Variants in USP4 observed in about 807,000 individuals in gnomAD.
USP4 encodes the protein ubiquitin carboxyl-terminal hydrolase 4.
Under a neutral mutation model 118.2 loss-of-function variants are expected in USP4, and 72 were observed. That is an observed-to-expected ratio of 0.61 (90% CI 0.50 to 0.74). The LOEUF (loss-of-function observed/expected upper bound fraction) is 0.74. USP4 is among the 30% of genes least tolerant of loss of function. The pLI is 0.00. For missense variants in USP4, 1,037 were observed against 1,185.7 expected (o/e 0.87, Z 1.84); for synonymous variants, 415 against 440.4 (o/e 0.94, Z 0.72).
chr3:49,294,088 C>A (rs565827178), intron 14 of USP4, among the ~76,000 whole-genome samples: 3 of 151,730 alleles, frequency 2.0e-5, no homozygotes, highest in Admixed American at 6.6e-5. Flanking sequence ...AAGAATCAAG[C>A]GATTCTCCTG....
intron 20 of USP4, among the ~76,000 whole-genome samples, chr3:49,280,200 T>C (rs2047003717): frequency 6.6e-6 from 1 of 150,436 alleles, no homozygotes; most frequent in Non-Finnish European, 1.5e-5. Context: ...GAGGTGGAGG[T>C]TGCAAGTGAG....
intron 2 of USP4, 102 bp from the exon 3 acceptor site, chr3:49,327,918 G>C: frequency 7.5e-6 from 9 of 1,207,386 alleles, no homozygotes; most frequent in Non-Finnish European, 1.0e-5. Flanking sequence ...ATTATTTACA[G>C]AAAGAAACAG....
chr3:49,278,240 T>A lies in USP4; in HGVS notation c.*53A>T. On this transcript the variant is annotated 3_prime_UTR_variant, in exon 22 of 22. Transcript: ENST00000265560. ...GCAGTCTGCAGAGTGTCAAAGATGT[T>A]CTCCTGGGGGATTACACTGGCGCTA... 4 of 1,582,978 alleles carry A rather than the reference T, an allele frequency of 2.5e-6. No homozygotes were observed. Among genetic ancestry groups the A allele is most frequent in the Non-Finnish European group, 3.4e-6 (4 of 1,166,322 alleles).
Position 49,281,382 on chromosome 3 carries a change from G to A in USP4, c.2541-535C>T, listed in dbSNP as rs1313383850. ...GAGGCAGGAGAATGGCGTGAACCCGGGAGGTGGAGCTTGCAGTGAGCCAAG... is the reference window on the plus strand; with the variant it reads ...GAGGCAGGAGAATGGCGTGAACCCGAGAGGTGGAGCTTGCAGTGAGCCAAG... On this transcript the variant is annotated intron_variant, in intron 19 of 21. Transcript: ENST00000265560. 4.0e-5 allele frequency among the ~76,000 whole-genome samples: 6 copies of A among 151,706 alleles called. No homozygotes were observed. In the South Asian group the frequency reaches 1.0e-3, roughly 26 times the overall value.
At chr3:49,327,217 T>G (rs2047564993) in intron 3 of USP4, among the ~76,000 whole-genome samples, 1 of 151,968 alleles carries the variant, frequency 6.6e-6, no homozygotes, top group Non-Finnish European at 1.5e-5. Flanking sequence ...GTGAGCAACT[T>G]CACTCACAAC....
At chr3:49,323,992 CT>C (rs978816426) in intron 6 of USP4, among the ~76,000 whole-genome samples, 4 of 151,112 alleles carry the variant, frequency 2.6e-5, no homozygotes, top group East Asian at 3.9e-4. Context: ...CAAGCTATCA[CT>C]TTTTTTTTGT....
intron 6 of USP4, among the ~76,000 whole-genome samples, chr3:49,323,504 C>T (rs942223927): frequency 6.6e-6 from 1 of 152,056 alleles, no homozygotes; most frequent in Non-Finnish European, 1.5e-5. Flanking sequence ...GAAACAGATT[C>T]TGGGAATTAG....
chr3:49,278,759 C>T, intron 21 of USP4, 55 bp downstream of exon 21: 2 of 1,359,350 alleles, frequency 1.5e-6, no homozygotes, highest in South Asian at 2.5e-5. Flanking sequence ...AGAGGCTCTT[C>T]CCAGCTTTAA....
At chr3:49,296,896 T>C (rs911074903) in intron 13 of USP4, among the ~76,000 whole-genome samples, 9 of 152,244 alleles carry the variant, frequency 5.9e-5, no homozygotes, top group Non-Finnish European at 1.2e-4. Flanking sequence ...CTTGGGGTTA[T>C]ATGTGAAAGT....
chr3:49,311,766 A>T, intron 6 of USP4, 112 bp from the exon 7 acceptor site: 1 of 1,442,962 alleles, frequency 6.9e-7, no homozygotes, highest in African/African-American at 1.4e-5. Context: ...AAGTTAAAAT[A>T]AATTACAAAA....
chr3:49,310,784 A>G, intron 7 of USP4, 47 bp from the exon 8 acceptor site: 1 of 1,466,840 alleles, frequency 6.8e-7, no homozygotes, highest in Non-Finnish European at 9.6e-7. Context: ...TGCATAACAC[A>G]TGCCCTCAAG....
chr3:49,326,073 C>A (rs950513308), intron 3 of USP4, among the ~76,000 whole-genome samples: 1 of 152,086 alleles, frequency 6.6e-6, no homozygotes, highest in Non-Finnish European at 1.5e-5. Context: ...TCTCAACACT[C>A]TGGGAGGCCG....
At chr3:49,301,495 C>T (rs2047263010) in intron 10 of USP4, among the ~76,000 whole-genome samples, 1 of 152,066 alleles carries the variant, frequency 6.6e-6, no homozygotes, top group African/African-American at 2.4e-5. Flanking sequence ...CAATATCAGC[C>T]TGGCCAACAT....
chr3:49,317,026 G>C (rs1345922859), intron 6 of USP4: 9 of 870,252 alleles, frequency 1.0e-5, no homozygotes, highest in Non-Finnish European at 1.5e-5. Context: ...TCTGTGGACA[G>C]ACTTGCTGGG....
intron 6 of USP4, 176 bp from the exon 7 acceptor site, chr3:49,311,830 A>C: frequency 7.6e-7 from 1 of 1,311,588 alleles, no homozygotes; most frequent in Non-Finnish European, 9.8e-7. Context: ...GAGTCCACAA[A>C]TTAACTGGTC....
At chr3:49,327,314 G>C (rs1459552270) in intron 3 of USP4, among the ~76,000 whole-genome samples, 1 of 152,086 alleles carries the variant, frequency 6.6e-6, no homozygotes, top group Non-Finnish European at 1.5e-5. Flanking sequence ...GAGTCGGGCG[G>C]ATCACAAGGT....
intron 2 of USP4, among the ~76,000 whole-genome samples, chr3:49,334,935 T>C (rs1364933018): frequency 6.6e-6 from 1 of 152,176 alleles, no homozygotes; most frequent in Non-Finnish European, 1.5e-5. Context: ...CATGTACAAG[T>C]GCAAGCAAGC....
rs769702177 is a variant in USP4 at position 49,310,689 on chromosome 3, A to AC, written c.884_885insG (p.His296SerfsTer33). On this transcript the variant is annotated frameshift_variant, in exon 8 of 22. Coordinates refer to ENST00000265560, the MANE Select transcript of USP4 (RefSeq NM_003363.4). LOFTEE classifies it high-confidence loss of function. ...GTCCACAGAGCCCAGGTTGTATATG[A>AC]GAGGATGGTGGCTCCTGACAATTAT... 1 of 1,614,180 alleles carries AC rather than the reference A, an allele frequency of 6.2e-7. No homozygotes were observed. The highest frequency in any genetic ancestry group is 2.2e-5 in the East Asian group (1 of 44,880).
At chr3:49,290,805 GCA>G (rs1389766203) in intron 15 of USP4, among the ~76,000 whole-genome samples, 1 of 152,080 alleles carries the variant, frequency 6.6e-6, no homozygotes, top group Non-Finnish European at 1.5e-5. Context: ...ATGAGCCATC[GCA>G]CCCGTCTGCA....
Sources: gnomAD v4.1 joint callset for allele counts (sites outside exome capture counted in the v4.1 genomes callset) on GRCh38, gnomAD v4.1.1 for gene constraint, MANE v1.5 for transcripts, NCBI Gene and HGNC (gene_info 2026-07-23, HGNC 2026-07-21) for gene names.